Variants in PRKN observed in about 807,000 individuals in gnomAD.
PRKN encodes the protein parkin RBR E3 ubiquitin protein ligase, also known as E3 ubiquitin-protein ligase parkin.
PRKN carries 56 observed loss-of-function variants against 59.5 expected under a neutral mutation model. The ratio of observed to expected loss-of-function variants is 0.94; its 90% CI spans 0.76 to 1.18. The LOEUF (loss-of-function observed/expected upper bound fraction) is 1.18. PRKN is among the 50% of genes most tolerant of loss of function. The pLI is 0.00. For missense variants in PRKN, 657 were observed against 596.4 expected (o/e 1.10, Z -1.06); for synonymous variants, 250 against 222.1 (o/e 1.13, Z -1.12).
Position 161,458,127 on chromosome 6 carries a change from A to G in PRKN, c.1084-71250T>C, listed in dbSNP as rs1161025076. On this transcript the variant is annotated intron_variant, in intron 9 of 11. Coordinates refer to ENST00000366898, the MANE Select transcript of PRKN (RefSeq NM_004562.3). The surrounding 1 kb of genome is among the most constrained non-coding windows in gnomAD (Gnocchi z 6.1). Reference sequence around the variant, plus strand: ...TGTACATTCAGATTCCTTTAGCTTGAAAGAAAAAGGGTAGCCTCCTTTAAG... The same window carrying G: ...TGTACATTCAGATTCCTTTAGCTTGGAAGAAAAAGGGTAGCCTCCTTTAAG... 6.6e-6 allele frequency among the ~76,000 whole-genome samples: 1 copy of G among 152,214 alleles called. No individual in the cohort carries two copies. The highest frequency in any genetic ancestry group is 2.4e-5 in the African/African-American group (1 of 41,464).
intron 1 of PRKN, among the ~76,000 whole-genome samples, chr6:162,689,967 T>C (rs77522076): frequency 0.016 from 2,427 of 152,312 alleles, 66 homozygotes; most frequent in African/African-American, 0.054. Context: ...CAGAAGTCTT[T>C]ATTCTGAATA....
chr6:162,507,433 T>A (rs1562340531), intron 1 of PRKN, among the ~76,000 whole-genome samples: 1 of 151,616 alleles, frequency 6.6e-6, no homozygotes, highest in Non-Finnish European at 1.5e-5. Flanking sequence ...AGAAAAAAAA[T>A]TATATATATA....
chr6:161,887,713 G>A (rs1455482929), intron 6 of PRKN, among the ~76,000 whole-genome samples: 1 of 152,194 alleles, frequency 6.6e-6, no homozygotes, highest in African/African-American at 2.4e-5. Flanking sequence ...GCATAAAAGT[G>A]CTACTTGGAC....
At chr6:162,640,812 C>T (rs1002505393) in intron 1 of PRKN, among the ~76,000 whole-genome samples, 19 of 152,100 alleles carry the variant, frequency 1.2e-4, no homozygotes, top group African/African-American at 4.6e-4. Flanking sequence ...CAGGCCTTTC[C>T]ACAGGTTCTG....
intron 9 of PRKN, among the ~76,000 whole-genome samples, chr6:161,398,654 C>T (rs565651549): frequency 6.6e-6 from 1 of 152,196 alleles, no homozygotes; most frequent in Non-Finnish European, 1.5e-5. Context: ...CTCTCCCTTG[C>T]TCTACCCAAT....
rs112944345 is a variant in PRKN at position 161,905,398 on chromosome 6, G to T, written c.734+67904C>A. On this transcript the variant is annotated intron_variant, in intron 6 of 11. Transcript: ENST00000366898. Reference sequence around the variant, plus strand: ...TACACTAACTTTGAAAAATCTTTTTGCTGTATGTCTATGGACAGGTTTCTG... The same window carrying T: ...TACACTAACTTTGAAAAATCTTTTTTCTGTATGTCTATGGACAGGTTTCTG... 1.0e-3 allele frequency among the ~76,000 whole-genome samples: 156 copies of T among 152,252 alleles called. 1 individual carries two copies. Among genetic ancestry groups the T allele is most frequent in the African/African-American group, 3.6e-3 (151 of 41,552 alleles).
Position 161,357,404 on chromosome 6 carries a change from G to A in PRKN, c.1285+2684C>T, listed in dbSNP as rs759834803. Among the ~76,000 whole-genome samples, 5 of 152,122 alleles carry A rather than the reference G, an allele frequency of 3.3e-5. No individual in the cohort carries two copies. Among genetic ancestry groups the A allele is most frequent in the Admixed American group, 6.5e-5 (1 of 15,276 alleles). On this transcript the variant is annotated intron_variant, in intron 11 of 11. Coordinates refer to ENST00000366898, the MANE Select transcript of PRKN (RefSeq NM_004562.3). This position sits in a 1 kb window ranked among gnomAD's most constrained non-coding sequence, Gnocchi z 5.5. ...TGCCACCACCAGAGTCTGGGCTACC[G>A]AGGAGGCCACTAAGGCATGGACCCC... is the stretch of plus-strand genomic sequence containing the variant.
chr6:161,932,617 T>G (rs1779206920), intron 6 of PRKN, among the ~76,000 whole-genome samples: 1 of 152,184 alleles, frequency 6.6e-6, no homozygotes, highest in African/African-American at 2.4e-5. Flanking sequence ...TTTTGCCACT[T>G]TGCAAAGCGA....
At chr6:162,583,787 A>T (rs1015853360) in intron 1 of PRKN, among the ~76,000 whole-genome samples, 1 of 152,196 alleles carries the variant, frequency 6.6e-6, no homozygotes, top group African/African-American at 2.4e-5. Context: ...ATAAAGAAAA[A>T]ATTTTCAAAT....
At chr6:161,619,240 TAAA>T (rs67512352) in intron 7 of PRKN, among the ~76,000 whole-genome samples, 4 of 99,552 alleles carry the variant, frequency 4.0e-5, no homozygotes, top group Non-Finnish European at 3.9e-5. Flanking sequence ...CTGTCTTCAT[TAAA>T]AAAAAAAAAA....
chr6:162,516,476 G>C (rs1777863442), intron 1 of PRKN, among the ~76,000 whole-genome samples: 1 of 152,318 alleles, frequency 6.6e-6, no homozygotes, highest in African/African-American at 2.4e-5. Flanking sequence ...TTCTGGCCAG[G>C]TGTGGTGGCT....
intron 9 of PRKN, among the ~76,000 whole-genome samples, chr6:161,524,014 T>A (rs6455732): frequency 0.82 from 123,844 of 151,904 alleles, 50,864 homozygotes; most frequent in Middle Eastern, 0.87. Context: ...ATTAAAAAAA[T>A]TTTTTTTCCT....
chr6:162,262,662 G>GAA lies in PRKN; in HGVS notation c.274_275insTT (p.Ala92ValfsTer12). The GAA allele has an allele frequency of 1.2e-6, 2 of 1,613,546 alleles. No homozygotes were observed. Among genetic ancestry groups the GAA allele is most frequent in the Non-Finnish European group, 1.7e-6 (2 of 1,179,972 alleles). On this transcript the variant is annotated frameshift_variant, in exon 3 of 12. Transcript: ENST00000366898. LOFTEE classifies it high-confidence loss of function. ...CTGGGGCTCCCGCTCACAGCCTCCCGCCGCGTTTCTGGGGTCGTCGCCTCC... is the reference window on the plus strand; with the variant it reads ...CTGGGGCTCCCGCTCACAGCCTCCCGAACCGCGTTTCTGGGGTCGTCGCCTCC...
intron 3 of PRKN, among the ~76,000 whole-genome samples, chr6:162,239,013 C>T (rs1234047608): frequency 1.3e-5 from 2 of 152,140 alleles, no homozygotes; most frequent in African/African-American, 2.4e-5. Flanking sequence ...ATGAAGCGCA[C>T]AAGTATCCAA....
At chr6:161,875,261 C>A (rs1170626412) in intron 6 of PRKN, among the ~76,000 whole-genome samples, 1 of 149,674 alleles carries the variant, frequency 6.7e-6, no homozygotes, top group Non-Finnish European at 1.5e-5. Context: ...GTGGCTTGAT[C>A]TCTGCTGACT....
intron 2 of PRKN, among the ~76,000 whole-genome samples, chr6:162,276,237 C>G (rs1483373880): frequency 3.9e-5 from 6 of 152,102 alleles, no homozygotes; most frequent in Non-Finnish European, 7.4e-5. Context: ...CTTCTTTTCT[C>G]TTGTTCAAAA....
chr6:162,685,298 T>C (rs1779927926), intron 1 of PRKN, among the ~76,000 whole-genome samples: 1 of 152,182 alleles, frequency 6.6e-6, no homozygotes, highest in South Asian at 2.1e-4. Context: ...GAGTACATTT[T>C]TGACTAGAGA....
At chr6:162,517,249 A>ATT (rs755649567) in intron 1 of PRKN, among the ~76,000 whole-genome samples, 7 of 136,270 alleles carry the variant, frequency 5.1e-5, no homozygotes, top group African/African-American at 8.2e-5. Flanking sequence ...GAACCCAGGC[A>ATT]TTTTTTTTTT....
chr6:162,306,235 C>A (rs940455690), intron 2 of PRKN, among the ~76,000 whole-genome samples: 1 of 152,136 alleles, frequency 6.6e-6, no homozygotes. Context: ...TCAGAGATGG[C>A]CTGACTGAGG....
Sources: allele counts gnomAD v4.1 joint callset (sites outside exome capture counted in the v4.1 genomes callset), GRCh38; gene constraint gnomAD v4.1.1; non-coding constraint Gnocchi (gnomAD v3.1); transcripts MANE v1.5; gene names NCBI Gene and HGNC (gene_info 2026-07-23, HGNC 2026-07-21).